The following RFT1 variants were observed in gnomAD, a reference collection of about 807,000 sequenced individuals.
RFT1 encodes man(5)GlcNAc(2)-PP-dolichol translocation protein RFT1.
Under a neutral mutation model 62.2 loss-of-function variants are expected in RFT1, and 43 were observed. The ratio of observed to expected loss-of-function variants is 0.69; its 90% CI spans 0.54 to 0.89. The LOEUF (loss-of-function observed/expected upper bound fraction) is 0.89. RFT1 is among the 40% of genes least tolerant of loss of function. RFT1 has a pLI of 0.00. For missense variants in RFT1, 605 were observed against 649.9 expected, an observed-to-expected ratio of 0.93 and a Z score of 0.75; for synonymous variants, 262 against 264.6, an observed-to-expected ratio of 0.99 and a Z score of 0.10.
At chr3:53,080,702 T>C in the RFT1 span, among the ~76,000 whole-genome samples, 1 of 152,224 alleles carries the variant, frequency 6.6e-6, no homozygotes, top group Admixed American at 6.5e-5. Context: ...CTACCTCCTC[T>C]CACTCCTTAC....
At chr3:53,112,007 C>T in intron 6 of RFT1, 99 bp from the exon 7 acceptor site, 1 of 911,968 alleles carries the variant, frequency 1.1e-6, no homozygotes, top group South Asian at 1.3e-5. Context: ...TCTCTAAATC[C>T]CAACTTGGAT....
chr3:53,068,889 G>C, the RFT1 span, among the ~76,000 whole-genome samples: 1 of 152,268 alleles, frequency 6.6e-6, no homozygotes, highest in East Asian at 1.9e-4. Flanking sequence ...AATTACATGA[G>C]ATATTCAACA....
At chr3:53,126,145 G>C in intron 1 of RFT1, 151 bp from the exon 2 acceptor site, 1 of 637,804 alleles carries the variant, frequency 1.6e-6, no homozygotes, top group Non-Finnish European at 2.9e-6. Flanking sequence ...CGCCCAACCT[G>C]TCTGCATTTC....
At chr3:53,121,310 G>A (rs919307589) in intron 5 of RFT1, among the ~76,000 whole-genome samples, 4 of 152,090 alleles carry the variant, frequency 2.6e-5, no homozygotes, top group Non-Finnish European at 5.9e-5. Context: ...GCAAAAAAAA[G>A]ATGGAAATCC....
intron 6 of RFT1, among the ~76,000 whole-genome samples, chr3:53,116,245 T>C (rs1701787362): frequency 6.6e-6 from 1 of 151,782 alleles, no homozygotes; most frequent in South Asian, 2.1e-4. Flanking sequence ...ATGCTGCTCA[T>C]GGTAAAGTCA....
At position 53,090,134 on chromosome 3, in the gene RFT1, T is replaced by C. The variant is rs1700950923; in HGVS notation, c.*1769A>G. 1 of 152,798 alleles carries C rather than the reference T, an allele frequency of 6.5e-6. No homozygotes were observed. Among genetic ancestry groups the C allele is most frequent in the African/African-American group, 2.4e-5 (1 of 41,454 alleles). The allele number at this position is 152,798 out of a possible 1,614,324, so 9.5% of individuals were successfully genotyped here. A position where few individuals can be genotyped will look rare whatever the true frequency, so the allele number is the denominator to read the frequency against. Reference sequence around the variant, plus strand: ...GCCTGGAGTGGGTCCTGGGAAGCCATGTTCTGACTTGCAATCCAGGTGATT... The same window carrying C: ...GCCTGGAGTGGGTCCTGGGAAGCCACGTTCTGACTTGCAATCCAGGTGATT... On this transcript the variant is annotated 3_prime_UTR_variant, in exon 13 of 13. Transcript: ENST00000296292.
In RFT1 at chr3:53,130,352, C is replaced by G; in HGVS notation, c.49G>C (p.Gly17Arg). ...LGHAARLASS[G>R]LLLQVLFRLI... ...GCAGAGAGTACCTGCAGGAGGAGAC[C>G]GGAGGAGGCCAGCCGGGCCGCGTGG... is the stretch of plus-strand genomic sequence containing the variant. The change falls in exon 1 of 13, where the codon GGT (glycine) becomes CGT (arginine). Residue 17 changes from glycine (G) to arginine (R), a missense_variant. Coordinates refer to ENST00000296292, the MANE Select transcript of RFT1 (RefSeq NM_052859.4). 2 of 1,568,896 alleles carry G rather than the reference C, an allele frequency of 1.3e-6. No individual in the cohort carries two copies.
In RFT1 at chr3:53,130,332, G is replaced by C. The variant is rs967779588; in HGVS notation, c.63+6C>G. 2 of 1,566,738 alleles carry C rather than the reference G, an allele frequency of 1.3e-6. No individual in the cohort carries two copies. Among genetic ancestry groups the C allele is most frequent in the African/African-American group, 1.4e-5 (1 of 73,710 alleles). On this transcript the variant is annotated splice_donor_region_variant and intron_variant, in intron 1 of 12. Coordinates refer to ENST00000296292, the MANE Select transcript of RFT1 (RefSeq NM_052859.4). ...TACAAGCTGGAACCTGAAGGGCAGAGAGTACCTGCAGGAGGAGACCGGAGG... is the reference window on the plus strand; with the variant it reads ...TACAAGCTGGAACCTGAAGGGCAGACAGTACCTGCAGGAGGAGACCGGAGG...
At chr3:53,129,731 T>G (rs2107181441) in intron 1 of RFT1, among the ~76,000 whole-genome samples, 1 of 152,312 alleles carries the variant, frequency 6.6e-6, no homozygotes, top group East Asian at 1.9e-4. Flanking sequence ...CAACATGTAT[T>G]AAATGCATAC....
At chr3:53,117,679 T>C (rs1559594698) in intron 6 of RFT1, among the ~76,000 whole-genome samples, 2 of 152,208 alleles carry the variant, frequency 1.3e-5, no homozygotes, top group African/African-American at 4.8e-5. Context: ...GGTGCCCCTG[T>C]AGAGCCAGCT....
chr3:53,092,544 C>T lies in RFT1; in HGVS notation c.1283G>A (p.Ser428Asn), dbSNP rs201230044. Residue 428 changes from serine (S) to asparagine (N), a missense_variant, in exon 12 of 13, where the codon AGC becomes AAC. Transcript: ENST00000296292. Reference protein sequence around the residue: ...LSYLLTRWCGSVGFILANCFN... With the variant: ...LSYLLTRWCGNVGFILANCFN... ...GCAGTTGGCCAAGATGAAGCCCACG[C>T]TGCCACACCAACGGGTCAAGAGATA... The T allele has an allele frequency of 2.8e-4, 459 of 1,612,546 alleles. No individual in the cohort carries two copies. The highest frequency in any genetic ancestry group is 3.7e-4 in the Non-Finnish European group (436 of 1,179,612).
intron 7 of RFT1, among the ~76,000 whole-genome samples, chr3:53,109,072 A>G (rs755139304): frequency 2.7e-4 from 41 of 152,012 alleles, no homozygotes; most frequent in Non-Finnish European, 4.9e-4. Flanking sequence ...CCCTTTGCCA[A>G]CCTCACCCTC....
intron 11 of RFT1, among the ~76,000 whole-genome samples, chr3:53,097,930 C>A (rs933309372): frequency 6.6e-6 from 1 of 152,246 alleles, no homozygotes; most frequent in Non-Finnish European, 1.5e-5. Context: ...AAAACCACAT[C>A]TAGACTACTA....
intron 6 of RFT1, among the ~76,000 whole-genome samples, chr3:53,119,317 G>C (rs1485174109): frequency 2.0e-5 from 3 of 152,182 alleles, no homozygotes; most frequent in Non-Finnish European, 4.4e-5. Flanking sequence ...AGAATAGAGA[G>C]AGTGGAACAC....
At chr3:53,105,268 G>C (rs1701430060) in intron 9 of RFT1, among the ~76,000 whole-genome samples, 2 of 152,196 alleles carry the variant, frequency 1.3e-5, no homozygotes, top group Admixed American at 1.3e-4. Flanking sequence ...ACATAAATTA[G>C]CTGGGTGTGG....
At chr3:53,124,356 C>T (rs1339472665) in intron 2 of RFT1, among the ~76,000 whole-genome samples, 1 of 152,158 alleles carries the variant, frequency 6.6e-6, no homozygotes, top group Non-Finnish European at 1.5e-5. Flanking sequence ...TGGGCAGCAC[C>T]TGGGTGAGCC....
chr3:53,067,042 T>C, the RFT1 span, among the ~76,000 whole-genome samples: 1 of 152,174 alleles, frequency 6.6e-6, no homozygotes, highest in African/African-American at 2.4e-5. Flanking sequence ...GAAAACATTA[T>C]ATTGGCTGGG....
At chr3:53,083,045 A>T in the RFT1 span, among the ~76,000 whole-genome samples, 1 of 151,540 alleles carries the variant, frequency 6.6e-6, no homozygotes, top group African/African-American at 2.4e-5. Context: ...AAAATACTTT[A>T]AAAAAATTAG....
At chr3:53,078,694 A>T in the RFT1 span, among the ~76,000 whole-genome samples, 2 of 152,178 alleles carry the variant, frequency 1.3e-5, no homozygotes, top group African/African-American at 4.8e-5. Flanking sequence ...GTAAGCTATG[A>T]TTGCATCACT....
Sources: gnomAD v4.1 joint callset for allele counts (sites outside exome capture counted in the v4.1 genomes callset) on GRCh38, gnomAD v4.1.1 for gene constraint, MANE v1.5 for transcripts, NCBI Gene and HGNC (gene_info 2026-07-23, HGNC 2026-07-21) for gene names.